ASIC2: variants seen among roughly 807,000 people sequenced by gnomAD.
ASIC2 encodes acid sensing ion channel subunit 2.
In ASIC2, 25 loss-of-function variants were observed where a neutral mutation model predicts 57.3. That is an observed-to-expected ratio of 0.44 (90% CI 0.32 to 0.61). The LOEUF (loss-of-function observed/expected upper bound fraction) is 0.61, where lower values mean the gene tolerates loss of function less well. ASIC2 is among the 20% of genes least tolerant of loss of function. The pLI is 0.06. For synonymous variants in ASIC2, 319 were observed against 307.5 expected (o/e 1.04, Z -0.39); for missense variants, 641 against 738.1 (o/e 0.87, Z 1.52).
chr17:34,117,210 G>A (rs1014141709), intron 1 of ASIC2, among the ~76,000 whole-genome samples: 2 of 152,170 alleles, frequency 1.3e-5, no homozygotes, highest in South Asian at 4.1e-4. Context: ...TACTAGGGAA[G>A]AGGAGAGAAA....
intron 1 of ASIC2, among the ~76,000 whole-genome samples, chr17:33,428,799 C>T (rs1911304547): frequency 6.6e-6 from 1 of 152,176 alleles, no homozygotes; most frequent in African/African-American, 2.4e-5. Flanking sequence ...GTCCAGACCA[C>T]GTTCCTGTCT....
chr17:33,760,979 G>A (rs1329614498), intron 1 of ASIC2, among the ~76,000 whole-genome samples: 1 of 152,132 alleles, frequency 6.6e-6, no homozygotes. Context: ...TTGTATTCTA[G>A]GGCAATAATT....
At chr17:33,906,008 T>TA (rs142623675) in intron 1 of ASIC2, among the ~76,000 whole-genome samples, 2,925 of 116,160 alleles carry the variant, frequency 0.025, 104 homozygotes, top group African/African-American at 0.099. Context: ...TAATTTTAAT[T>TA]AAATTTTTTT....
chr17:33,658,491 G>A (rs1054910620), intron 1 of ASIC2, among the ~76,000 whole-genome samples: 25 of 152,188 alleles, frequency 1.6e-4, no homozygotes, highest in African/African-American at 5.5e-4. Context: ...CTCATACTGG[G>A]TAGTTTGTAA....
intron 1 of ASIC2, among the ~76,000 whole-genome samples, chr17:33,151,180 C>T (rs544626480): frequency 5.2e-4 from 52 of 100,242 alleles, no homozygotes; most frequent in African/African-American, 2.2e-3. Context: ...CACACACACA[C>T]GCACACACAC....
intron 1 of ASIC2, among the ~76,000 whole-genome samples, chr17:34,065,563 A>C (rs1369202291): frequency 1.3e-5 from 2 of 152,210 alleles, no homozygotes; most frequent in Non-Finnish European, 2.9e-5. Flanking sequence ...TCTGTTTCCA[A>C]AGCCTATACA....
At chr17:33,507,959 A>T (rs1914315302) in intron 1 of ASIC2, among the ~76,000 whole-genome samples, 1 of 152,208 alleles carries the variant, frequency 6.6e-6, no homozygotes, top group Non-Finnish European at 1.5e-5. Flanking sequence ...AATATGCCAT[A>T]GTCTGAATAG....
chr17:34,048,936 T>C (rs1908439050), intron 1 of ASIC2, among the ~76,000 whole-genome samples: 2 of 152,202 alleles, frequency 1.3e-5, no homozygotes, highest in South Asian at 2.1e-4. Context: ...GACTGTGCGG[T>C]AATAATCGTC....
At chr17:33,741,870 C>A (rs2142098368) in intron 1 of ASIC2, among the ~76,000 whole-genome samples, 1 of 152,310 alleles carries the variant, frequency 6.6e-6, no homozygotes, top group African/African-American at 2.4e-5. Flanking sequence ...CAGAGGATGT[C>A]TGCGGCAGAT....
chr17:33,761,059 A>G (rs1482438750), intron 1 of ASIC2, among the ~76,000 whole-genome samples: 3 of 152,204 alleles, frequency 2.0e-5, no homozygotes, highest in African/African-American at 7.2e-5. Flanking sequence ...AGTGTGTACC[A>G]GGTGTAGACA....
intron 1 of ASIC2, among the ~76,000 whole-genome samples, chr17:33,900,932 G>A (rs904793233): frequency 4.6e-5 from 7 of 152,222 alleles, no homozygotes; most frequent in African/African-American, 1.7e-4. Flanking sequence ...GCAAGTTGGA[G>A]AGATGGGGAG....
At chr17:33,129,951 G>A (rs8065172) in intron 1 of ASIC2, among the ~76,000 whole-genome samples, 33,839 of 152,144 alleles carry the variant, frequency 0.22, 3,983 homozygotes, top group East Asian at 0.38. Context: ...GAACAGCGGC[G>A]GCCACTGGGC....
chr17:33,636,373 AGGG>A (rs1259661161), intron 1 of ASIC2, among the ~76,000 whole-genome samples: 2 of 152,182 alleles, frequency 1.3e-5, no homozygotes, highest in Non-Finnish European at 2.9e-5. Flanking sequence ...GACGTGCCTT[AGGG>A]GGAAGAAGGC....
intron 1 of ASIC2, among the ~76,000 whole-genome samples, chr17:34,081,652 G>C (rs906944219): frequency 6.6e-6 from 1 of 152,120 alleles, no homozygotes; most frequent in Non-Finnish European, 1.5e-5. Context: ...AGCCCTTAAG[G>C]CTCTGCACAG....
intron 1 of ASIC2, among the ~76,000 whole-genome samples, chr17:33,650,724 T>C (rs1266167215): frequency 6.6e-6 from 1 of 152,042 alleles, no homozygotes; most frequent in African/African-American, 2.4e-5. Context: ...AAAGAAACAG[T>C]CTCAAAAGGT....
chr17:34,049,722 C>T (rs1355787967), intron 1 of ASIC2, among the ~76,000 whole-genome samples: 1 of 152,184 alleles, frequency 6.6e-6, no homozygotes, highest in Non-Finnish European at 1.5e-5. Context: ...GTCCCTCTCT[C>T]TGCCTCTATT....
At chr17:33,353,097 G>A (rs920736002) in intron 1 of ASIC2, among the ~76,000 whole-genome samples, 2 of 152,108 alleles carry the variant, frequency 1.3e-5, no homozygotes, top group Non-Finnish European at 2.9e-5. Context: ...CAAAATTCAG[G>A]TTCAATAATT....
intron 1 of ASIC2, among the ~76,000 whole-genome samples, chr17:33,795,887 C>T (rs1911900745): frequency 6.6e-6 from 1 of 152,190 alleles, no homozygotes; most frequent in South Asian, 2.1e-4. Context: ...CCAACTCTTC[C>T]CCTTGAAGTT....
intron 1 of ASIC2, among the ~76,000 whole-genome samples, chr17:33,369,402 C>T (rs1055235458): frequency 6.6e-6 from 1 of 152,196 alleles, no homozygotes; most frequent in African/African-American, 2.4e-5. Flanking sequence ...TTGCTCTTCT[C>T]TTACTTGTTG....
Sources: gnomAD v4.1 joint callset for allele counts (sites outside exome capture counted in the v4.1 genomes callset) on GRCh38, gnomAD v4.1.1 for gene constraint, MANE v1.5 for transcripts, NCBI Gene and HGNC (gene_info 2026-07-23, HGNC 2026-07-21) for gene names.